The following SLC25A48 variants were observed in gnomAD, a reference collection of about 807,000 sequenced individuals.
SLC25A48 encodes the protein CTC-321K16.1.
SLC25A48 carries 29 observed loss-of-function variants against 32.2 expected under a neutral mutation model. The ratio of observed to expected loss-of-function variants is 0.90; its 90% CI spans 0.67 to 1.23. The LOEUF (loss-of-function observed/expected upper bound fraction) is 1.23. Ranked by LOEUF, SLC25A48 falls within the 50% of genes most tolerant of loss-of-function variation. The pLI, the probability that SLC25A48 is intolerant of heterozygous loss-of-function variation, is 0.00. For synonymous variants in SLC25A48, 164 were observed against 172.3 expected, an observed-to-expected ratio of 0.95 and a Z score of 0.38; for missense variants, 399 against 422.7, an observed-to-expected ratio of 0.94 and a Z score of 0.49.
chr5:135,680,423 G>A (rs1753867520), intron 3 of SLC25A48, among the ~76,000 whole-genome samples: 1 of 152,154 alleles, frequency 6.6e-6, no homozygotes, highest in South Asian at 2.1e-4. Flanking sequence ...ATGAATTTAT[G>A]GATGAATTTG....
intron 3 of SLC25A48, among the ~76,000 whole-genome samples, chr5:135,740,824 C>A (rs1755485167): frequency 6.6e-6 from 1 of 152,182 alleles, no homozygotes; most frequent in South Asian, 2.1e-4. Flanking sequence ...TCATTCTTGG[C>A]ATTCACTGCA....
intron 1 of SLC25A48, among the ~76,000 whole-genome samples, chr5:135,584,844 A>T (rs1751325193): frequency 6.6e-6 from 1 of 152,264 alleles, no homozygotes; most frequent in East Asian, 1.9e-4. Flanking sequence ...GCAAAACAGT[A>T]ACCTCTGTAC....
intron 3 of SLC25A48, among the ~76,000 whole-genome samples, chr5:135,673,478 T>C (rs2126944158): frequency 6.6e-6 from 1 of 152,304 alleles, no homozygotes; most frequent in African/African-American, 2.4e-5. Context: ...ACAACTAATA[T>C]TATTGAATAT....
At chr5:135,834,149 C>G (rs968734091), upstream of SLC25A48, among the ~76,000 whole-genome samples, 1 of 152,210 alleles carries the variant, frequency 6.6e-6, no homozygotes, top group African/African-American at 2.4e-5. Flanking sequence ...TAGGGTCTGC[C>G]TACAGAGAGG....
At position 135,780,277 on chromosome 5, in the gene SLC25A48, G is replaced by A. The variant is rs1218217601; in HGVS notation, c.-520-32246G>A. ...AATTTTTTGTATTTTTAGTAGAGAC[G>A]GGGTTTCACCGTGTTAGCCAGGATG... On this transcript the variant is annotated intron_variant, in intron 3 of 10. Transcript: ENST00000646290. Among the ~76,000 whole-genome samples, 2 of 112,042 alleles carry A rather than the reference G, an allele frequency of 1.8e-5. 1 individual carries two copies. The highest frequency in any genetic ancestry group is 4.4e-5 in the Non-Finnish European group (2 of 45,800). 73.5% of individuals were successfully genotyped at this position (112,042 alleles called of 152,430 possible). A position where few individuals can be genotyped will look rare whatever the true frequency, so the allele number is the denominator to read the frequency against.
intron 3 of SLC25A48, among the ~76,000 whole-genome samples, chr5:135,702,335 G>A (rs756750607): frequency 6.6e-6 from 1 of 152,226 alleles, no homozygotes; most frequent in Non-Finnish European, 1.5e-5. Flanking sequence ...TTATCAGCAG[G>A]CCATGTGAAG....
intron 1 of SLC25A48, among the ~76,000 whole-genome samples, chr5:135,583,069 C>G (rs1751269356): frequency 6.6e-6 from 1 of 152,120 alleles, no homozygotes; most frequent in Non-Finnish European, 1.5e-5. Flanking sequence ...GGGGTTCACT[C>G]CCTATCTGTG....
At chr5:135,730,565 T>A (rs1396840835) in intron 3 of SLC25A48, among the ~76,000 whole-genome samples, 1 of 152,178 alleles carries the variant, frequency 6.6e-6, no homozygotes, top group Admixed American at 6.5e-5. Context: ...GAAAACGAAC[T>A]AATACAGATT....
intron 1 of SLC25A48, among the ~76,000 whole-genome samples, chr5:135,595,217 G>T (rs1185311601): frequency 2.0e-5 from 3 of 152,196 alleles, no homozygotes; most frequent in African/African-American, 4.8e-5. Flanking sequence ...TGCAGCCCCT[G>T]TCACTTGCTG....
intron 3 of SLC25A48, among the ~76,000 whole-genome samples, chr5:135,725,243 T>C (rs1755062352): frequency 6.6e-6 from 1 of 152,234 alleles, no homozygotes; most frequent in African/African-American, 2.4e-5. Flanking sequence ...ATGAAACATC[T>C]ATCTTAGCAC....
At chr5:135,830,785 A>G (rs1758184029), upstream of SLC25A48, among the ~76,000 whole-genome samples, 1 of 152,220 alleles carries the variant, frequency 6.6e-6, no homozygotes, top group Admixed American at 6.5e-5. Flanking sequence ...GTCCGGTTTC[A>G]TTAATCCTTT....
chr5:135,871,346 C>A (rs1761626466), intron 4 of SLC25A48, 115 bp from the exon 5 acceptor site: 3 of 1,288,986 alleles, frequency 2.3e-6, no homozygotes, highest in South Asian at 1.6e-5. Flanking sequence ...TTGGTAAAAG[C>A]TGATGGGCTA....
At chr5:135,603,732 G>T (rs1561754185) in intron 1 of SLC25A48, among the ~76,000 whole-genome samples, 1 of 152,232 alleles carries the variant, frequency 6.6e-6, no homozygotes, top group Non-Finnish European at 1.5e-5. Flanking sequence ...AGACTTATTT[G>T]TTGAAAGGAG....
intron 3 of SLC25A48, among the ~76,000 whole-genome samples, chr5:135,664,719 G>A (rs1018593698): frequency 2.0e-5 from 3 of 152,042 alleles, no homozygotes; most frequent in African/African-American, 7.2e-5. Flanking sequence ...CTTAACATAA[G>A]GGCCTCCAGC....
chr5:135,765,518 C>A (rs1047398645), intron 3 of SLC25A48, among the ~76,000 whole-genome samples: 3 of 150,500 alleles, frequency 2.0e-5, no homozygotes, highest in Admixed American at 6.6e-5. Context: ...TTATATTACA[C>A]CCCATATTGC....
chr5:135,802,325 C>T (rs950014614), intron 3 of SLC25A48, among the ~76,000 whole-genome samples: 4 of 151,626 alleles, frequency 2.6e-5, no homozygotes, highest in Middle Eastern at 6.8e-3. Flanking sequence ...GGGTATACAC[C>T]ATGTGTGTAG....
intron 3 of SLC25A48, among the ~76,000 whole-genome samples, chr5:135,777,502 A>C (rs1756596143): frequency 6.6e-6 from 1 of 151,306 alleles, no homozygotes; most frequent in Non-Finnish European, 1.5e-5. Flanking sequence ...GGAGAGGATA[A>C]TATTACTCCA....
chr5:135,777,915 C>G (rs1399992158), intron 3 of SLC25A48, among the ~76,000 whole-genome samples: 6 of 151,602 alleles, frequency 4.0e-5, no homozygotes, highest in African/African-American at 4.9e-5. Flanking sequence ...TACATCCCAC[C>G]TGTGATATTG....
chr5:135,712,998 T>A (rs1754704766), intron 3 of SLC25A48, among the ~76,000 whole-genome samples: 1 of 152,220 alleles, frequency 6.6e-6, no homozygotes, highest in Non-Finnish European at 1.5e-5. Context: ...GTTCCCCTTC[T>A]GCCAAATTCT....
Sources: allele counts gnomAD v4.1 joint callset (sites outside exome capture counted in the v4.1 genomes callset), GRCh38; gene constraint gnomAD v4.1.1; transcripts MANE v1.5; gene names NCBI Gene and HGNC (gene_info 2026-07-23, HGNC 2026-07-21).